Variants in KCNMB2 observed in about 807,000 individuals in gnomAD.
The protein encoded by KCNMB2 is potassium calcium-activated channel subfamily M regulatory beta subunit 2.
A neutral mutation model predicts 24.5 loss-of-function variants in KCNMB2; 9 were observed. That is an observed-to-expected ratio of 0.37 (90% CI 0.22 to 0.64). KCNMB2 has a LOEUF of 0.64. KCNMB2 is among the 30% of genes least tolerant of loss of function. The pLI is 0.63. For synonymous variants in KCNMB2, 109 were observed against 104.4 expected (o/e 1.04, Z -0.27); for missense variants, 226 against 284.3 (o/e 0.79, Z 1.47).
intron 1 of KCNMB2, among the ~76,000 whole-genome samples, chr3:178,767,816 C>A (rs1712184025): frequency 6.6e-6 from 1 of 152,232 alleles, no homozygotes; most frequent in African/African-American, 2.4e-5. Context: ...CTGACATCTA[C>A]AGCCCAAGGC....
chr3:178,550,103 C>A (rs1001703985), intron 1 of KCNMB2, among the ~76,000 whole-genome samples: 1 of 152,040 alleles, frequency 6.6e-6, no homozygotes, highest in African/African-American at 2.4e-5. Context: ...CTTTAATCTT[C>A]AGACTTTGCA....
intron 1 of KCNMB2, among the ~76,000 whole-genome samples, chr3:178,540,047 T>C (rs1214784409): frequency 6.6e-6 from 1 of 152,162 alleles, no homozygotes; most frequent in African/African-American, 2.4e-5. Context: ...TCCACTTAAA[T>C]GTCTACAGGC....
intron 1 of KCNMB2, among the ~76,000 whole-genome samples, chr3:178,791,891 C>G (rs2108440741): frequency 6.6e-6 from 1 of 150,986 alleles, no homozygotes; most frequent in East Asian, 1.9e-4. Context: ...ATAGTATACC[C>G]AGCAAAAATA....
chr3:178,559,010 G>A (rs570863930), intron 1 of KCNMB2: 5 of 152,284 alleles, frequency 3.3e-5, no homozygotes, highest in African/African-American at 1.2e-4. Flanking sequence ...CCAAAGAACT[G>A]TATTTATTTT....
chr3:178,651,945 TCAGACCTTAAAC>T (rs903611623), intron 1 of KCNMB2, among the ~76,000 whole-genome samples: 1 of 152,114 alleles, frequency 6.6e-6, no homozygotes, highest in Non-Finnish European at 1.5e-5. Flanking sequence ...GACTTAAACA[TCAGACCTTAAAC>T]CATAAAAACC....
chr3:178,747,700 T>A (rs905092395), intron 1 of KCNMB2, among the ~76,000 whole-genome samples: 1 of 152,230 alleles, frequency 6.6e-6, no homozygotes, highest in Non-Finnish European at 1.5e-5. Flanking sequence ...AGTCTATAAA[T>A]CTTTTCTCAA....
At chr3:178,661,212 C>T (rs1191393658) in intron 1 of KCNMB2, among the ~76,000 whole-genome samples, 5 of 151,564 alleles carry the variant, frequency 3.3e-5, no homozygotes, top group African/African-American at 9.7e-5. Flanking sequence ...TGTTCAGCAC[C>T]CACTTATGAG....
At chr3:178,560,672 C>A (rs1011790947) in intron 1 of KCNMB2, among the ~76,000 whole-genome samples, 1 of 152,220 alleles carries the variant, frequency 6.6e-6, no homozygotes, top group Admixed American at 6.5e-5. Flanking sequence ...ATAGAGAGTT[C>A]ACTGACTTAA....
chr3:178,842,943 A>T lies in KCNMB2; in HGVS notation c.*6A>T, dbSNP rs1178122362. 6.3e-7 allele frequency: 1 copy of T among 1,586,706 alleles called. No homozygotes were observed. On this transcript the variant is annotated 3_prime_UTR_variant, in exon 5 of 5. Transcript: ENST00000452583. ...TCCAACGGATCAATAGATAAATGCAAAAATGGATAAAATAATTTTTGTTAA... is the reference window on the plus strand; with the variant it reads ...TCCAACGGATCAATAGATAAATGCATAAATGGATAAAATAATTTTTGTTAA...
rs146726943 is a variant in KCNMB2 at position 178,785,271 on chromosome 3, A to G, written c.-67-22072A>G. Among the ~76,000 whole-genome samples the G allele has an allele frequency of 2.4e-4, 37 of 152,158 alleles. No homozygotes were observed. The East Asian group carries it at 6.9e-3, about 29-fold the overall frequency. On this transcript the variant is annotated intron_variant, in intron 1 of 4. Transcript: ENST00000452583. The stretch of plus-strand genomic sequence containing the variant: ...GAGTAAATGATAACTATTGTGCTCA[A>G]TAAGTTATAATATAAATTTGACAAT...
intron 1 of KCNMB2, among the ~76,000 whole-genome samples, chr3:178,656,749 T>A (rs958118127): frequency 6.6e-6 from 1 of 152,066 alleles, no homozygotes; most frequent in Non-Finnish European, 1.5e-5. Context: ...TACAGTCTTA[T>A]CAACAAAACG....
chr3:178,751,785 A>C (rs1362322026), intron 1 of KCNMB2, among the ~76,000 whole-genome samples: 1 of 152,212 alleles, frequency 6.6e-6, no homozygotes, highest in African/African-American at 2.4e-5. Flanking sequence ...TCATGCCAAG[A>C]CTCAGCAACA....
intron 1 of KCNMB2, among the ~76,000 whole-genome samples, chr3:178,714,608 A>G (rs891127145): frequency 1.2e-4 from 19 of 152,336 alleles, no homozygotes; most frequent in African/African-American, 4.1e-4. Context: ...CGCAGAAGTG[A>G]ATGAGCCCAG....
At chr3:178,732,141 T>A (rs927764406) in intron 1 of KCNMB2, among the ~76,000 whole-genome samples, 3 of 152,102 alleles carry the variant, frequency 2.0e-5, no homozygotes, top group South Asian at 2.1e-4. Flanking sequence ...ATAGAAAAAA[T>A]TTGCGAGATA....
chr3:178,599,199 G>T (rs1717990755), intron 1 of KCNMB2, among the ~76,000 whole-genome samples: 2 of 152,116 alleles, frequency 1.3e-5, no homozygotes, highest in South Asian at 4.2e-4. Context: ...TGGAGTTTCT[G>T]CAAAGGTTGT....
intron 1 of KCNMB2, among the ~76,000 whole-genome samples, chr3:178,695,927 C>T (rs1721858053): frequency 6.6e-6 from 1 of 152,144 alleles, no homozygotes. Flanking sequence ...TATAGCAGCA[C>T]CCCATTCTCC....
chr3:178,669,129 G>T (rs373141038), intron 1 of KCNMB2, among the ~76,000 whole-genome samples: 10 of 152,236 alleles, frequency 6.6e-5, no homozygotes, highest in African/African-American at 2.2e-4. Flanking sequence ...TGTGTAGGGT[G>T]GGTAGTATGA....
chr3:178,555,531 T>C (rs1037118335), intron 1 of KCNMB2, among the ~76,000 whole-genome samples: 6 of 152,248 alleles, frequency 3.9e-5, no homozygotes, highest in Non-Finnish European at 8.8e-5. Context: ...CATGTGCTCA[T>C]ATGATGGGTG....
At chr3:178,622,896 G>T (rs13064922) in intron 1 of KCNMB2, among the ~76,000 whole-genome samples, 107,552 of 152,038 alleles carry the variant, frequency 0.71, 39,062 homozygotes, top group African/African-American at 0.89. Context: ...AGAGATTAAA[G>T]GAGTTAACTA....
Sources: allele counts gnomAD v4.1 joint callset (sites outside exome capture counted in the v4.1 genomes callset), GRCh38; gene constraint gnomAD v4.1.1; transcripts MANE v1.5; gene names NCBI Gene and HGNC (gene_info 2026-07-23, HGNC 2026-07-21).